Variants in RTN4IP1 observed in about 807,000 individuals in gnomAD.
The protein encoded by RTN4IP1 is NAD(P)H oxidoreductase RTN4IP1, mitochondrial.
In RTN4IP1, 32 loss-of-function variants were observed where a neutral mutation model predicts 46.6. That is an observed-to-expected ratio of 0.69 (90% CI 0.52 to 0.92). The LOEUF (loss-of-function observed/expected upper bound fraction) is 0.92. Ranked by LOEUF, RTN4IP1 falls within the 40% of genes least tolerant of loss-of-function variation. The pLI is 0.00. For missense variants in RTN4IP1, 424 were observed against 485.8 expected (o/e 0.87, Z 1.20); for synonymous variants, 167 against 161.8 (o/e 1.03, Z -0.24).
At chr6:106,596,845 G>C (rs1310826872) in intron 5 of RTN4IP1, among the ~76,000 whole-genome samples, 4 of 152,056 alleles carry the variant, frequency 2.6e-5, no homozygotes, top group African/African-American at 9.7e-5. Context: ...ATACCTGAAG[G>C]CCTGTTTTGT....
intron 4 of RTN4IP1, among the ~76,000 whole-genome samples, chr6:106,605,803 C>A (rs1410344597): frequency 9.5e-6 from 1 of 104,948 alleles, no homozygotes; most frequent in Admixed American, 1.4e-4. Context: ...GGCGACAGAG[C>A]AAGACTCTGT....
At chr6:106,623,683 A>G (rs1223340779) in intron 1 of RTN4IP1, among the ~76,000 whole-genome samples, 1 of 152,230 alleles carries the variant, frequency 6.6e-6, no homozygotes, top group East Asian at 1.9e-4. Flanking sequence ...TTTGAAATTC[A>G]AATTTTGAAA....
At chr6:106,577,862 A>T (rs1775268788) in intron 8 of RTN4IP1, among the ~76,000 whole-genome samples, 1 of 152,120 alleles carries the variant, frequency 6.6e-6, no homozygotes, top group South Asian at 2.1e-4. Context: ...AGGCAAGGAA[A>T]CAGATCCTCC....
At chr6:106,573,778 A>G (rs972298286) in intron 8 of RTN4IP1, among the ~76,000 whole-genome samples, 1 of 152,298 alleles carries the variant, frequency 6.6e-6, no homozygotes, top group Admixed American at 6.5e-5. Context: ...GCTGCTGTCT[A>G]CACCTACCCC....
At chr6:106,629,619 C>G, upstream of RTN4IP1, 1 of 1,558,528 alleles carries the variant, frequency 6.4e-7, no homozygotes, top group Non-Finnish European at 8.7e-7. Context: ...ACATCACTAG[C>G]GACCGGTGAC....
intron 4 of RTN4IP1, among the ~76,000 whole-genome samples, chr6:106,611,850 A>C (rs553945881): frequency 1.3e-5 from 2 of 152,358 alleles, no homozygotes; most frequent in East Asian, 3.9e-4. Context: ...CATTTTCCCA[A>C]GAAAACAAAG....
chr6:106,602,302 T>C (rs1356682466), intron 5 of RTN4IP1, among the ~76,000 whole-genome samples: 1 of 152,192 alleles, frequency 6.6e-6, no homozygotes, highest in Non-Finnish European at 1.5e-5. Context: ...TGCATTTTGA[T>C]AGGGATTGTA....
chr6:106,582,132 G>A (rs1349415658), intron 8 of RTN4IP1, among the ~76,000 whole-genome samples: 1 of 152,144 alleles, frequency 6.6e-6, no homozygotes, highest in Non-Finnish European at 1.5e-5. Flanking sequence ...ATAATAACAG[G>A]CCATCCTCTT....
At chr6:106,593,593 T>C (rs996471277) in intron 5 of RTN4IP1, among the ~76,000 whole-genome samples, 1 of 152,226 alleles carries the variant, frequency 6.6e-6, no homozygotes, top group Non-Finnish European at 1.5e-5. Context: ...GATCTGTGTT[T>C]GTCTGGTTCA....
At chr6:106,608,632 T>C (rs1273600601) in intron 4 of RTN4IP1, among the ~76,000 whole-genome samples, 1 of 152,168 alleles carries the variant, frequency 6.6e-6, no homozygotes, top group Non-Finnish European at 1.5e-5. Context: ...CAACTAACAT[T>C]AAAAGGAAAT....
intron 1 of RTN4IP1, among the ~76,000 whole-genome samples, chr6:106,628,153 A>G (rs1776701996): frequency 6.6e-6 from 1 of 151,856 alleles, no homozygotes; most frequent in South Asian, 2.1e-4. Flanking sequence ...AGAATACCAC[A>G]AAGTTCCCTG....
chr6:106,626,077 G>A (rs1776634847), intron 1 of RTN4IP1, among the ~76,000 whole-genome samples: 1 of 152,160 alleles, frequency 6.6e-6, no homozygotes, highest in Non-Finnish European at 1.5e-5. Context: ...CCCAGAGTAG[G>A]TGAGGGGGAT....
chr6:106,582,940 G>T (rs571789255), intron 8 of RTN4IP1, among the ~76,000 whole-genome samples: 138 of 152,170 alleles, frequency 9.1e-4, no homozygotes, highest in African/African-American at 3.0e-3. Flanking sequence ...ATTTGCCCTT[G>T]ATTTTATTAT....
At chr6:106,625,721 T>A in intron 1 of RTN4IP1, among the ~76,000 whole-genome samples, 1 of 141,468 alleles carries the variant, frequency 7.1e-6, no homozygotes. Context: ...TGGAGTGCAA[T>A]GGCGTGATCT....
At chr6:106,621,708 A>T (rs1292819970) in intron 2 of RTN4IP1, among the ~76,000 whole-genome samples, 1 of 152,212 alleles carries the variant, frequency 6.6e-6, no homozygotes, top group Non-Finnish European at 1.5e-5. Context: ...AGATGCCAGC[A>T]TATCCTGCTG....
intron 7 of RTN4IP1, among the ~76,000 whole-genome samples, chr6:106,584,131 G>T (rs1775429934): frequency 6.6e-6 from 1 of 152,150 alleles, no homozygotes; most frequent in African/African-American, 2.4e-5. Flanking sequence ...TTGAGAAAGG[G>T]TCTTGCTATG....
chr6:106,572,092 A>T lies in RTN4IP1; in HGVS notation c.1095T>A (p.Val365=), dbSNP rs780789711. 7.0e-5 allele frequency: 113 copies of T among 1,613,606 alleles called. 1 individual carries two copies. The South Asian group carries it at 1.2e-3, about 17-fold the overall frequency. Residue 365 remains valine (V), a synonymous_variant, in exon 9 of 9, where the codon GTT becomes GTA. Coordinates refer to ENST00000369063, the MANE Select transcript of RTN4IP1 (RefSeq NM_032730.5). ...TAGAAAAAGGAAAGGTTTGTTCAAT[A>T]ACTGGCCGGATCTGTAAAACATAAG... The part of the protein sequence containing the change: ...ELVDAGKIRP[V]IEQTFPFSKV...
At chr6:106,595,583 T>G (rs1360477487) in intron 5 of RTN4IP1, among the ~76,000 whole-genome samples, 1 of 151,590 alleles carries the variant, frequency 6.6e-6, no homozygotes, top group Non-Finnish European at 1.5e-5. Context: ...CTGCAACCTC[T>G]GCCTCCTAGG....
chr6:106,630,029 C>G (rs769938612), upstream of RTN4IP1, among the ~76,000 whole-genome samples: 3 of 152,168 alleles, frequency 2.0e-5, no homozygotes, highest in Admixed American at 2.0e-4. Context: ...GGGGCCACTT[C>G]AGTCTCTCTT....
Sources: allele counts gnomAD v4.1 joint callset (sites outside exome capture counted in the v4.1 genomes callset), GRCh38; gene constraint gnomAD v4.1.1; transcripts MANE v1.5; gene names NCBI Gene and HGNC (gene_info 2026-07-23, HGNC 2026-07-21).